PALD1: variants seen among roughly 807,000 people sequenced by gnomAD.
PALD1 encodes phosphatase domain containing paladin 1.
Under a neutral mutation model 96.0 loss-of-function variants are expected in PALD1, and 57 were observed. The observed-to-expected ratio is 0.59, with a 90% CI of 0.48 to 0.74. The LOEUF (loss-of-function observed/expected upper bound fraction) is 0.74, where lower values mean the gene tolerates loss of function less well. Among genes scored for constraint, PALD1 ranks in the 30% least tolerant of loss-of-function variants. The pLI is 0.00. For missense variants in PALD1, 1,063 were observed against 1,143.7 expected (o/e 0.93, Z 1.02); for synonymous variants, 464 against 473.6 (o/e 0.98, Z 0.26).
At chr10:70,543,190 A>T (rs1479003870) in intron 17 of PALD1, among the ~76,000 whole-genome samples, 1 of 150,208 alleles carries the variant, frequency 6.7e-6, no homozygotes, top group Non-Finnish European at 1.5e-5. Context: ...GGCCACTTGT[A>T]TATCTTCTTT....
chr10:70,536,362 A>T (rs1847116042), intron 10 of PALD1, among the ~76,000 whole-genome samples: 1 of 152,166 alleles, frequency 6.6e-6, no homozygotes, highest in South Asian at 2.1e-4. Flanking sequence ...AGAGCCTGCC[A>T]CAGAGTCCCT....
chr10:70,478,136 G>A (rs1291374535), upstream of PALD1, among the ~76,000 whole-genome samples: 1 of 152,046 alleles, frequency 6.6e-6, no homozygotes, highest in East Asian at 1.9e-4. Context: ...GCTCTGCTCT[G>A]CTGTTCCCCT....
intron 1 of PALD1, among the ~76,000 whole-genome samples, chr10:70,484,884 T>A (rs1845991805): frequency 1.3e-5 from 2 of 152,252 alleles, no homozygotes; most frequent in Non-Finnish European, 2.9e-5. Flanking sequence ...AGCAAAGTTA[T>A]CAACCTTCAG....
intron 5 of PALD1, among the ~76,000 whole-genome samples, chr10:70,532,216 T>C (rs1285919660): frequency 1.3e-5 from 2 of 151,800 alleles, no homozygotes; most frequent in African/African-American, 4.8e-5. Flanking sequence ...GTGAATAGAG[T>C]GTGGGGTCCC....
intron 17 of PALD1, among the ~76,000 whole-genome samples, chr10:70,546,738 C>T (rs1447161021): frequency 6.6e-6 from 1 of 152,152 alleles, no homozygotes; most frequent in Non-Finnish European, 1.5e-5. Context: ...TTGCTTTAGC[C>T]CAGGAGTTCG....
chr10:70,558,623 G>A (rs1847665109), intron 18 of PALD1, among the ~76,000 whole-genome samples: 1 of 152,028 alleles, frequency 6.6e-6, no homozygotes, highest in Non-Finnish European at 1.5e-5. Context: ...GAGCCTCTAA[G>A]TGTCACATGT....
At position 70,507,007 on chromosome 10, in the gene PALD1, C is replaced by G. The variant is rs146853694; in HGVS notation, c.-29-18916C>G. 2.8e-4 allele frequency among the ~76,000 whole-genome samples: 43 copies of G among 152,278 alleles called. No individual in the cohort carries two copies. In the East Asian group the frequency reaches 8.1e-3, roughly 29 times the overall value. On this transcript the variant is annotated intron_variant, in intron 1 of 19. Transcript: ENST00000263563. ...GTACTGTGGGACCTGGACTAAAACC[C>G]CATCTGTGCTGTCTGGTTTATTCTC...
chr10:70,469,646 C>T, the PALD1 span, among the ~76,000 whole-genome samples: 1 of 151,954 alleles, frequency 6.6e-6, no homozygotes, highest in Non-Finnish European at 1.5e-5. Flanking sequence ...TTCTGAGAAG[C>T]CTAGACCTCA....
At chr10:70,508,843 C>CTG (rs61307157) in intron 1 of PALD1, among the ~76,000 whole-genome samples, 1 of 94,570 alleles carries the variant, frequency 1.1e-5, no homozygotes, top group Non-Finnish European at 2.2e-5. Context: ...GCTGCGGAAC[C>CTG]TGTGTGTGTG....
At chr10:70,560,239 C>T (rs533233589) in intron 18 of PALD1, among the ~76,000 whole-genome samples, 5 of 152,134 alleles carry the variant, frequency 3.3e-5, no homozygotes, top group African/African-American at 4.8e-5. Flanking sequence ...GGAGGGAACC[C>T]GACCAGGCAG....
rs1470341904 is a variant in PALD1, at chr10:70,537,825, ACACAGC to A, written c.1243_1248del (p.His415_Ser416del). 2.2e-5 allele frequency: 35 copies of A among 1,612,414 alleles called. No individual in the cohort carries two copies. The highest frequency in any genetic ancestry group is 1.2e-4 in the Admixed American group (7 of 60,000). Reference sequence around the variant, plus strand: ...CTCTCTCTCAGGGAAGCGGCAGCCGACACAGCGTCTGGCAGAGGGCGCTGTGGAGCC... The same window carrying A: ...CTCTCTCTCAGGGAAGCGGCAGCCGAGTCTGGCAGAGGGCGCTGTGGAGCC... On this transcript the variant is annotated inframe_deletion, in exon 11 of 20. Transcript: ENST00000263563.
At chr10:70,519,923 C>G (rs1283488954) in intron 1 of PALD1, among the ~76,000 whole-genome samples, 1 of 152,118 alleles carries the variant, frequency 6.6e-6, no homozygotes, top group Non-Finnish European at 1.5e-5. Flanking sequence ...AACATTCAGA[C>G]CACAACAGCT....
intron 1 of PALD1, among the ~76,000 whole-genome samples, chr10:70,508,606 C>A (rs937093109): frequency 1.2e-4 from 19 of 152,224 alleles, no homozygotes; most frequent in Non-Finnish European, 2.5e-4. Flanking sequence ...AGCAGGAGAA[C>A]CCTGTCCCAA....
chr10:70,501,839 G>GTGTGCGCA (rs1554854872), intron 1 of PALD1, among the ~76,000 whole-genome samples: 2 of 151,302 alleles, frequency 1.3e-5, no homozygotes, highest in African/African-American at 4.9e-5. Flanking sequence ...GTGTGTGCGT[G>GTGTGCGCA]CGTGCATGCA....
At chr10:70,522,939 G>T (rs1846768588) in intron 1 of PALD1, among the ~76,000 whole-genome samples, 1 of 152,242 alleles carries the variant, frequency 6.6e-6, no homozygotes, top group Non-Finnish European at 1.5e-5. Context: ...TTCAGTGTGT[G>T]GCCAGCAGGA....
intron 18 of PALD1, among the ~76,000 whole-genome samples, chr10:70,554,694 C>T (rs1847556106): frequency 6.6e-6 from 1 of 151,894 alleles, no homozygotes; most frequent in Non-Finnish European, 1.5e-5. Flanking sequence ...ATGCCAGCGA[C>T]ACTTTTCCTG....
At chr10:70,488,652 G>A (rs1200898357) in intron 1 of PALD1, among the ~76,000 whole-genome samples, 2 of 152,074 alleles carry the variant, frequency 1.3e-5, no homozygotes, top group Admixed American at 6.5e-5. Flanking sequence ...GCTTTCATCC[G>A]GCCATGTATC....
chr10:70,483,385 G>C (rs1448500011), intron 1 of PALD1, among the ~76,000 whole-genome samples: 1 of 152,210 alleles, frequency 6.6e-6, no homozygotes, highest in Non-Finnish European at 1.5e-5. Context: ...GGGTGTCTGG[G>C]TCATCTGCAC....
At chr10:70,551,217 T>G (rs1217138291) in intron 18 of PALD1, among the ~76,000 whole-genome samples, 1 of 152,206 alleles carries the variant, frequency 6.6e-6, no homozygotes, top group Non-Finnish European at 1.5e-5. Context: ...ACCCCTTCTC[T>G]CTAATGGTGA....
Sources: allele counts gnomAD v4.1 joint callset (sites outside exome capture counted in the v4.1 genomes callset), GRCh38; gene constraint gnomAD v4.1.1; transcripts MANE v1.5; gene names NCBI Gene and HGNC (gene_info 2026-07-23, HGNC 2026-07-21).